The following VBP1 variants were observed in gnomAD, a reference collection of about 807,000 sequenced individuals.
VBP1 encodes the protein prefoldin subunit 3.
In VBP1, 4 loss-of-function variants were observed where a neutral mutation model predicts 15.5. That is an observed-to-expected ratio of 0.26 (90% confidence interval 0.13 to 0.59). The LOEUF is 0.59. VBP1 is among the 20% of genes least tolerant of loss of function. VBP1 has a pLI of 0.90. For synonymous variants in VBP1, 61 were observed against 52.1 expected (o/e 1.17, Z -0.74); for missense variants, 108 against 139.6 (o/e 0.77, Z 1.14).
At chrX:155,213,541 G>A, upstream of VBP1, 3 of 126,472 alleles carry the variant, frequency 2.4e-5, no homozygotes, top group South Asian at 5.7e-4. Flanking sequence ...TCTTCTTCCA[G>A]GGGACTCCAA....
intron 1 of VBP1, among the ~76,000 whole-genome samples, chrX:155,204,550 C>T (rs961638560): frequency 3.6e-5 from 4 of 111,892 alleles, no homozygotes; most frequent in African/African-American, 1.3e-4. Flanking sequence ...GGTAATCCAT[C>T]CACATTCTTT....
upstream of VBP1, among the ~76,000 whole-genome samples, chrX:155,212,153 A>G (rs1434934630): frequency 8.9e-6 from 1 of 112,156 alleles, no homozygotes; most frequent in African/African-American, 3.2e-5. Context: ...CTTAGCCTTA[A>G]CCATTGTGCT....
At chrX:155,219,727 A>G (rs1156765125) in intron 1 of VBP1, among the ~76,000 whole-genome samples, 1 of 111,771 alleles carries the variant, frequency 8.9e-6, no homozygotes. Context: ...TTTTGAATAA[A>G]AAATGAAGAG....
chrX:155,227,174 C>T, intron 2 of VBP1, 61 bp from the exon 3 acceptor site: 1 of 1,007,498 alleles, frequency 9.9e-7, no homozygotes, highest in Non-Finnish European at 1.4e-6. Flanking sequence ...GTTAGTAAGA[C>T]CGTGTCCTGT....
chrX:155,202,403 A>G (rs1557307594), intron 1 of VBP1, among the ~76,000 whole-genome samples: 2 of 111,948 alleles, frequency 1.8e-5, no homozygotes, highest in East Asian at 5.6e-4. Context: ...CTGGTACCAA[A>G]ACAGAGATAT....
At chrX:155,200,832 G>C (rs1175636667) in intron 1 of VBP1, among the ~76,000 whole-genome samples, 1 of 110,633 alleles carries the variant, frequency 9.0e-6, no homozygotes, top group Non-Finnish European at 1.9e-5. Flanking sequence ...ATGGTTTTTT[G>C]AAAGGATCAA....
At chrX:155,223,898 G>T (rs1348217586) in intron 2 of VBP1, among the ~76,000 whole-genome samples, 3 of 108,909 alleles carry the variant, frequency 2.8e-5, no homozygotes, top group African/African-American at 1.0e-4. Context: ...GGCGGCTGCC[G>T]GGCGGAGGGG....
chrX:155,202,875 T>A (rs1557307645), intron 1 of VBP1, among the ~76,000 whole-genome samples: 1 of 111,202 alleles, frequency 9.0e-6, no homozygotes, highest in Non-Finnish European at 1.9e-5. Context: ...AAAGGGCTAA[T>A]ATCCAGAATC....
intron 1 of VBP1, among the ~76,000 whole-genome samples, chrX:155,197,876 G>A (rs782441757): frequency 8.9e-6 from 1 of 112,441 alleles, no homozygotes; most frequent in South Asian, 3.6e-4. Flanking sequence ...GGTGACAGAC[G>A]GCACCTGGAA....
chrX:155,199,695 A>G (rs1286540561), intron 1 of VBP1, among the ~76,000 whole-genome samples: 1 of 112,194 alleles, frequency 8.9e-6, no homozygotes, highest in Non-Finnish European at 1.9e-5. Context: ...AAGTAACTGC[A>G]TCAACTAACG....
chrX:155,205,123 G>A (rs2074621959), intron 1 of VBP1, among the ~76,000 whole-genome samples: 1 of 111,638 alleles, frequency 9.0e-6, no homozygotes, highest in Non-Finnish European at 1.9e-5. Flanking sequence ...AAAATTGTTT[G>A]TAATCACTAG....
chrX:155,235,832 C>T, intron 4 of VBP1, among the ~76,000 whole-genome samples: 1 of 112,066 alleles, frequency 8.9e-6, no homozygotes, highest in Non-Finnish European at 1.9e-5. Context: ...TATCCTGATT[C>T]TCCCATTTAC....
At chrX:155,222,679 C>T (rs2074695312) in intron 2 of VBP1, among the ~76,000 whole-genome samples, 1 of 111,589 alleles carries the variant, frequency 9.0e-6, no homozygotes, top group African/African-American at 3.3e-5. Context: ...ATGGTCTAGG[C>T]CTAAATGTGG....
intron 1 of VBP1, among the ~76,000 whole-genome samples, chrX:155,203,981 G>T (rs1431793792): frequency 9.0e-6 from 1 of 111,354 alleles, no homozygotes; most frequent in Non-Finnish European, 1.9e-5. Flanking sequence ...CACAGCTATC[G>T]GACCTTGTGG....
intron 3 of VBP1, among the ~76,000 whole-genome samples, 181 bp downstream of exon 3, chrX:155,227,482 C>T (rs1243723597): frequency 8.9e-6 from 1 of 112,219 alleles, no homozygotes. Context: ...GGCCTTCCCC[C>T]AAAAGTCAAG....
chrX:155,197,653 T>A, intron 1 of VBP1, among the ~76,000 whole-genome samples: 1 of 111,970 alleles, frequency 8.9e-6, no homozygotes, highest in Non-Finnish European at 1.9e-5. Flanking sequence ...TAGGAACAGC[T>A]CCAGTCTACA....
chrX:155,217,349 A>T lies in VBP1; in HGVS notation c.93+774A>T, dbSNP rs368995180. 7.9e-4 allele frequency among the ~76,000 whole-genome samples: 89 copies of T among 111,986 alleles called. 1 individual carries two copies. The East Asian group carries it at 0.012, about 15-fold the overall frequency. ...TGCTGGGTGGCTTTTTAAAAATTTT[A>T]TTTTATTTATTTAATTTAGAAATAG... On this transcript the variant is annotated intron_variant, in intron 1 of 5. Transcript: ENST00000286428.
intron 4 of VBP1, among the ~76,000 whole-genome samples, chrX:155,230,872 T>G (rs2074742932): frequency 9.0e-6 from 1 of 111,283 alleles, no homozygotes; most frequent in Non-Finnish European, 1.9e-5. Flanking sequence ...GAGACGGGGT[T>G]TTGCCATTTT....
intron 4 of VBP1, among the ~76,000 whole-genome samples, chrX:155,232,159 A>T (rs2074750178): frequency 9.1e-6 from 1 of 109,618 alleles, no homozygotes; most frequent in African/African-American, 3.3e-5. Flanking sequence ...CAAAATGCTC[A>T]TTTGTATTTC....
Sources: allele counts gnomAD v4.1 joint callset (sites outside exome capture counted in the v4.1 genomes callset), GRCh38; gene constraint gnomAD v4.1.1; transcripts MANE v1.5; gene names NCBI Gene and HGNC (gene_info 2026-07-23, HGNC 2026-07-21).